The following BICD2 variants were observed in gnomAD, a reference collection of about 807,000 sequenced individuals.
BICD2 encodes BICD cargo adaptor 2, also known as protein bicaudal D homolog 2.
BICD2 carries 25 observed loss-of-function variants against 72.9 expected under a neutral mutation model. The ratio of observed to expected loss-of-function variants is 0.34; its 90% CI spans 0.25 to 0.48. BICD2 has a LOEUF of 0.48. Ranked by LOEUF, BICD2 falls within the 20% of genes least tolerant of loss-of-function variation. BICD2 has a pLI of 0.99. For missense variants in BICD2, 894 were observed against 1,175.2 expected, an observed-to-expected ratio of 0.76 and a Z score of 3.50; for synonymous variants, 501 against 516.1, an observed-to-expected ratio of 0.97 and a Z score of 0.40.
chr9:92,755,198 C>T (rs1171739757), intron 1 of BICD2, among the ~76,000 whole-genome samples: 7 of 152,162 alleles, frequency 4.6e-5, no homozygotes, highest in African/African-American at 1.2e-4. Flanking sequence ...TTTCCCATAG[C>T]GCTCCCAGGC....
At chr9:92,752,888 G>T (rs1398330164) in intron 1 of BICD2, among the ~76,000 whole-genome samples, 3 of 152,182 alleles carry the variant, frequency 2.0e-5, no homozygotes, top group African/African-American at 7.2e-5. Flanking sequence ...CCTCAAAGAG[G>T]TGGAGCAAAC....
chr9:92,745,447 G>A (rs118186717), intron 1 of BICD2, among the ~76,000 whole-genome samples: 2,310 of 152,038 alleles, frequency 0.015, 181 homozygotes, highest in Admixed American at 0.13. Context: ...GGACAGGGGA[G>A]GGGGGTCCCC....
At chr9:92,723,698 G>T (rs930668833) in intron 2 of BICD2, among the ~76,000 whole-genome samples, 1 of 152,188 alleles carries the variant, frequency 6.6e-6, no homozygotes, top group Non-Finnish European at 1.5e-5. Flanking sequence ...TATATGAGAT[G>T]TAAATCACCT....
intron 1 of BICD2, among the ~76,000 whole-genome samples, chr9:92,751,994 G>A (rs1854160202): frequency 6.6e-6 from 1 of 151,810 alleles, no homozygotes; most frequent in Non-Finnish European, 1.5e-5. Context: ...TAGTAGAGAC[G>A]AGGTTTCCCC....
intron 1 of BICD2, among the ~76,000 whole-genome samples, chr9:92,741,895 A>C (rs1312468720): frequency 6.6e-6 from 1 of 152,240 alleles, no homozygotes; most frequent in Non-Finnish European, 1.5e-5. Context: ...CAAATATACC[A>C]AGATACCCAT....
At chr9:92,742,245 C>T (rs1268976803) in intron 1 of BICD2, among the ~76,000 whole-genome samples, 1 of 152,178 alleles carries the variant, frequency 6.6e-6, no homozygotes, top group Non-Finnish European at 1.5e-5. Context: ...AAAAGACTCT[C>T]CTGCTTACCT....
At chr9:92,723,855 G>A (rs1853512703) in intron 2 of BICD2, among the ~76,000 whole-genome samples, 1 of 152,176 alleles carries the variant, frequency 6.6e-6, no homozygotes, top group Non-Finnish European at 1.5e-5. Context: ...AGGGACCTGG[G>A]CCCCTCAGCC....
chr9:92,717,416 G>C (rs1335241924), intron 6 of BICD2, among the ~76,000 whole-genome samples: 2 of 152,222 alleles, frequency 1.3e-5, no homozygotes. Context: ...GGTGCAAAAG[G>C]AACATTAAAA....
At chr9:92,738,705 C>T (rs905330534) in intron 1 of BICD2, among the ~76,000 whole-genome samples, 1 of 152,058 alleles carries the variant, frequency 6.6e-6, no homozygotes, top group Non-Finnish European at 1.5e-5. Flanking sequence ...TGGAGAAGGC[C>T]TACACCACCA....
intron 1 of BICD2, among the ~76,000 whole-genome samples, chr9:92,742,761 T>C (rs2131523422): frequency 6.6e-6 from 1 of 152,274 alleles, no homozygotes; most frequent in Non-Finnish European, 1.5e-5. Context: ...CCCACTGCCA[T>C]CCTGAAAACC....
In BICD2 at chr9:92,719,582, T is replaced by C. The variant is rs767226677; in HGVS notation, c.1063A>G (p.Met355Val). 2 of 1,598,690 alleles carry C rather than the reference T, an allele frequency of 1.3e-6. No individual in the cohort carries two copies. The highest frequency in any genetic ancestry group is 1.7e-6 in the Non-Finnish European group (2 of 1,174,500). ...IQKLKQQLMQ[M>V]EREKAGLLAT... is the part of the protein sequence containing the mutation. Reference sequence around the variant, plus strand: ...AGCAGGCCCGCCTTTTCCCGCTCCATCTGCAAAGGCACAGGCAGCAGGACA... The same window carrying C: ...AGCAGGCCCGCCTTTTCCCGCTCCACCTGCAAAGGCACAGGCAGCAGGACA... Residue 355 changes from methionine (M) to valine (V), a missense_variant and splice_region_variant, in exon 5 of 7, where the codon ATG (methionine) becomes GTG (valine). Coordinates refer to ENST00000356884, the MANE Select transcript of BICD2 (RefSeq NM_001003800.2).
chr9:92,749,779 G>C (rs1348206716), intron 1 of BICD2, among the ~76,000 whole-genome samples: 1 of 152,212 alleles, frequency 6.6e-6, no homozygotes, highest in South Asian at 2.1e-4. Context: ...GCCAGTCCTG[G>C]GGCCTGGGGA....
At chr9:92,717,653 G>T in intron 6 of BICD2, 144 bp downstream of exon 6, 7 of 1,105,652 alleles carry the variant, frequency 6.3e-6, no homozygotes, top group Non-Finnish European at 7.5e-6. Context: ...GTACCATGCT[G>T]GCCCTGATGG....
At chr9:92,755,071 C>T (rs1854227515) in intron 1 of BICD2, among the ~76,000 whole-genome samples, 1 of 152,246 alleles carries the variant, frequency 6.6e-6, no homozygotes, top group Admixed American at 6.5e-5. Flanking sequence ...TTCTTTTTCT[C>T]AGCATGGAAC....
At chr9:92,758,094 C>T (rs1356382457) in intron 1 of BICD2, among the ~76,000 whole-genome samples, 1 of 151,670 alleles carries the variant, frequency 6.6e-6, no homozygotes, top group Non-Finnish European at 1.5e-5. Context: ...ATCCCAGCTA[C>T]TCGGGAGGCT....
At position 92,720,482 on chromosome 9, in the gene BICD2, T is replaced by C; in HGVS notation, c.880A>G (p.Asn294Asp). The change falls in exon 4 of 7, where the codon AAC (asparagine) becomes GAC (aspartate). Residue 294 changes from asparagine (N) to aspartate (D), a missense_variant. This residue lies in a region of BICD2 where 371 missense variants were observed against 439.1 expected (regional missense o/e 0.84). Transcript: ENST00000356884. The surrounding 1 kb of genome is among the most constrained non-coding windows in gnomAD (Gnocchi z 5.4). ...KFSDDAAEPNNDAEALVNGFE... is the reference protein window; with the variant it reads ...KFSDDAAEPNDDAEALVNGFE... ...CCATTGACCAGGGCCTCGGCATCGT[T>C]GTTGGGCTCGGCAGCATCGTCACTG... The C allele has an allele frequency of 1.2e-6, 2 of 1,614,170 alleles. No homozygotes were observed. The highest frequency in any genetic ancestry group is 1.7e-6 in the Non-Finnish European group (2 of 1,180,018).
At chr9:92,723,060 C>T (rs543584561) in intron 2 of BICD2, among the ~76,000 whole-genome samples, 59 of 152,260 alleles carry the variant, frequency 3.9e-4, no homozygotes, top group African/African-American at 1.4e-3. Flanking sequence ...CCTGCTCCGA[C>T]CCTTGGTTTC....
At chr9:92,725,349 A>T (rs1853547453) in intron 2 of BICD2, among the ~76,000 whole-genome samples, 1 of 152,244 alleles carries the variant, frequency 6.6e-6, no homozygotes, top group South Asian at 2.1e-4. Context: ...TGATGGCACC[A>T]TCTCTGCTGA....
intron 1 of BICD2, among the ~76,000 whole-genome samples, chr9:92,740,540 G>A (rs1202264262): frequency 6.6e-6 from 1 of 151,918 alleles, no homozygotes; most frequent in South Asian, 2.1e-4. Flanking sequence ...GGCGGGGAGG[G>A]GGGGCGTTGT....
Sources: allele counts gnomAD v4.1 joint callset (sites outside exome capture counted in the v4.1 genomes callset), GRCh38; gene constraint gnomAD v4.1.1; regional missense constraint gnomAD v4.1.1; non-coding constraint Gnocchi (gnomAD v3.1); transcripts MANE v1.5; gene names NCBI Gene and HGNC (gene_info 2026-07-23, HGNC 2026-07-21).